Variants in KLRF1 observed in about 807,000 individuals in gnomAD.
KLRF1 encodes the protein killer cell lectin like receptor F1.
In KLRF1, 27 loss-of-function variants were observed where a neutral mutation model predicts 30.7. That is an observed-to-expected ratio of 0.88 (90% CI 0.65 to 1.21). The LOEUF is 1.21. KLRF1 is among the 50% of genes most tolerant of loss of function. The probability of loss-of-function intolerance (pLI) is 0.00; values close to 1 mark genes in which losing one functional copy is unlikely to be tolerated. For missense variants in KLRF1, 246 were observed against 259.3 expected, an observed-to-expected ratio of 0.95 and a Z score of 0.35; for synonymous variants, 92 against 89.3, an observed-to-expected ratio of 1.03 and a Z score of -0.17.
At chr12:9,808,770 G>A in the KLRF1 span, among the ~76,000 whole-genome samples, 1 of 152,112 alleles carries the variant, frequency 6.6e-6, no homozygotes, top group East Asian at 1.9e-4. Context: ...GGCAAGTCAT[G>A]CTAGAATGAC....
chr12:9,828,171 C>A (rs1867323928), intron 1 of KLRF1, among the ~76,000 whole-genome samples: 1 of 151,866 alleles, frequency 6.6e-6, no homozygotes, highest in Non-Finnish European at 1.5e-5. Context: ...CCTCTGCCTC[C>A]CAGGTTCAAG....
At chr12:9,803,033 A>T in the KLRF1 span, among the ~76,000 whole-genome samples, 2 of 152,296 alleles carry the variant, frequency 1.3e-5, 1 homozygote, top group South Asian at 4.1e-4. Flanking sequence ...ACAAAGCTGG[A>T]GGCAGCATGC....
At chr12:9,812,759 A>G in the KLRF1 span, among the ~76,000 whole-genome samples, 6 of 152,314 alleles carry the variant, frequency 3.9e-5, no homozygotes, top group South Asian at 1.2e-3. Flanking sequence ...CCTTAGAGAG[A>G]ATGGAAAACT....
At chr12:9,802,950 G>GA in the KLRF1 span, among the ~76,000 whole-genome samples, 2 of 151,990 alleles carry the variant, frequency 1.3e-5, no homozygotes, top group Non-Finnish European at 2.9e-5. Flanking sequence ...CACAGAATTA[G>GA]AAAAAACTAC....
chr12:9,812,551 C>A, the KLRF1 span, among the ~76,000 whole-genome samples: 1 of 152,024 alleles, frequency 6.6e-6, no homozygotes, highest in Non-Finnish European at 1.5e-5. Flanking sequence ...TCAGTATTTC[C>A]TTCCTGTTTA....
chr12:9,842,069 C>A lies in KLRF1; in HGVS notation c.474+118C>A, dbSNP rs1006115982. On this transcript the variant is annotated intron_variant, in intron 4 of 5. Coordinates refer to ENST00000617889, the MANE Select transcript of KLRF1 (RefSeq NM_016523.3). Reference sequence around the variant, plus strand: ...CCTTGATTATCGAGTTTTGGGCACCCTCTTAAATTTTGTATTCCAAGTGAG... The same window carrying A: ...CCTTGATTATCGAGTTTTGGGCACCATCTTAAATTTTGTATTCCAAGTGAG... 19 of 1,200,054 alleles carry A rather than the reference C, an allele frequency of 1.6e-5. No homozygotes were observed. In the Middle Eastern group the frequency reaches 8.2e-4, roughly 52 times the overall value. The allele number at this position is 1,200,054 out of a possible 1,614,324, so 74.3% of individuals were successfully genotyped here.
chr12:9,831,526 A>G (rs1254330781), intron 1 of KLRF1, among the ~76,000 whole-genome samples: 1 of 152,162 alleles, frequency 6.6e-6, no homozygotes, highest in Non-Finnish European at 1.5e-5. Context: ...ATCAATTATT[A>G]TGATAGATTT....
intron 3 of KLRF1, among the ~76,000 whole-genome samples, chr12:9,841,375 T>C (rs190265944): frequency 2.8e-4 from 42 of 152,112 alleles, no homozygotes; most frequent in African/African-American, 9.6e-4. Flanking sequence ...GGGTGCTACT[T>C]GGATGTTGAA....
At chr12:9,821,720 C>T in the KLRF1 span, among the ~76,000 whole-genome samples, 1 of 152,212 alleles carries the variant, frequency 6.6e-6, no homozygotes, top group Admixed American at 6.5e-5. Context: ...AATGACAAGC[C>T]ATAATCTACA....
intron 2 of KLRF1, among the ~76,000 whole-genome samples, chr12:9,832,656 AGTGTGTGTGTGT>A (rs58686028): frequency 4.1e-5 from 6 of 146,722 alleles, no homozygotes; most frequent in South Asian, 2.2e-4. Flanking sequence ...GTATGTGTAG[AGTGTGTGTGTGT>A]GTGTGTGTGT....
intron 2 of KLRF1, 48 bp from the exon 3 acceptor site, chr12:9,833,255 T>C (rs755126249): frequency 1.5e-6 from 2 of 1,328,252 alleles, no homozygotes; most frequent in East Asian, 5.1e-5. Context: ...CCTGAAACAT[T>C]CCATAGAGAA....
chr12:9,827,750 T>C, intron 1 of KLRF1, 121 bp downstream of exon 1: 1 of 552,162 alleles, frequency 1.8e-6, no homozygotes, highest in South Asian at 2.4e-5. Flanking sequence ...TCCGTCTCTG[T>C]ATCTCTCTCA....
chr12:9,835,424 A>G (rs893312237), intron 3 of KLRF1, among the ~76,000 whole-genome samples: 19 of 151,984 alleles, frequency 1.3e-4, no homozygotes, highest in African/African-American at 3.9e-4. Flanking sequence ...TTTTCATGGT[A>G]TATGAGAAAA....
chr12:9,808,130 T>A, the KLRF1 span, among the ~76,000 whole-genome samples: 6,818 of 152,182 alleles, frequency 0.045, 309 homozygotes, highest in African/African-American at 0.12. Context: ...AAGTAAAACT[T>A]GCCTACAGCT....
At chr12:9,832,656 AGTGTGT>A (rs58686028) in intron 2 of KLRF1, among the ~76,000 whole-genome samples, 2,648 of 146,664 alleles carry the variant, frequency 0.018, 53 homozygotes, top group African/African-American at 0.053. Context: ...GTATGTGTAG[AGTGTGT>A]GTGTGTGTGT....
the KLRF1 span, among the ~76,000 whole-genome samples, chr12:9,814,978 T>C: frequency 6.6e-6 from 1 of 152,288 alleles, no homozygotes; most frequent in East Asian, 1.9e-4. Context: ...AAAATAGTTA[T>C]GAGAAGATTT....
At chr12:9,829,312 A>G (rs1211180570) in intron 1 of KLRF1, among the ~76,000 whole-genome samples, 1 of 152,224 alleles carries the variant, frequency 6.6e-6, no homozygotes, top group Admixed American at 6.5e-5. Context: ...ATGTTTTAAA[A>G]TCACTTTAAG....
chr12:9,802,073 A>G, the KLRF1 span, among the ~76,000 whole-genome samples: 2 of 152,070 alleles, frequency 1.3e-5, no homozygotes, highest in Admixed American at 6.6e-5. Context: ...ATGAACATCA[A>G]TGCAAAAATC....
At chr12:9,817,507 G>T in the KLRF1 span, 1 of 399,576 alleles carries the variant, frequency 2.5e-6, no homozygotes, top group Non-Finnish European at 4.9e-6. Flanking sequence ...CCAGAGTACT[G>T]TTTTGACTTT....
Sources: allele counts gnomAD v4.1 joint callset (sites outside exome capture counted in the v4.1 genomes callset), GRCh38; gene constraint gnomAD v4.1.1; transcripts MANE v1.5; gene names NCBI Gene and HGNC (gene_info 2026-07-23, HGNC 2026-07-21).